GBP7: variants seen among roughly 807,000 people sequenced by gnomAD.
GBP7 encodes the protein guanylate binding protein 7, also known as guanylate-binding protein 7.
GBP7 carries 43 observed loss-of-function variants against 61.3 expected under a neutral mutation model. The ratio of observed to expected loss-of-function variants is 0.70; its 90% CI spans 0.55 to 0.91. The LOEUF (loss-of-function observed/expected upper bound fraction) is 0.91. Among genes scored for constraint, GBP7 ranks in the 40% least tolerant of loss-of-function variants. The pLI, the probability that GBP7 is intolerant of heterozygous loss-of-function variation, is 0.00. For synonymous variants in GBP7, 267 were observed against 271.0 expected, an observed-to-expected ratio of 0.99 and a Z score of 0.14; for missense variants, 717 against 740.5, an observed-to-expected ratio of 0.97 and a Z score of 0.37.
intron 2 of GBP7, among the ~76,000 whole-genome samples, chr1:89,165,132 A>T (rs1328212175): frequency 1.3e-5 from 2 of 152,210 alleles, no homozygotes; most frequent in African/African-American, 4.8e-5. Flanking sequence ...GTCTGAAGTT[A>T]GTCCCTCCAA....
chr1:89,169,838 A>G (rs1432956019), intron 2 of GBP7, among the ~76,000 whole-genome samples: 2 of 152,220 alleles, frequency 1.3e-5, no homozygotes, highest in Non-Finnish European at 2.9e-5. Flanking sequence ...TGATAGAACA[A>G]TACTTATAAA....
chr1:89,138,553 T>C (rs1421259102), intron 9 of GBP7, among the ~76,000 whole-genome samples: 1 of 151,894 alleles, frequency 6.6e-6, no homozygotes, highest in Admixed American at 6.6e-5. Context: ...TGATCTTTGG[T>C]AAAGCTAACA....
chr1:89,162,022 AG>A (rs1434886531), intron 3 of GBP7, among the ~76,000 whole-genome samples: 1 of 144,754 alleles, frequency 6.9e-6, no homozygotes, highest in Non-Finnish European at 1.5e-5. Flanking sequence ...TTTATTGAAT[AG>A]GGAATCTTTT....
chr1:89,165,768 G>C (rs1025275881), intron 2 of GBP7, among the ~76,000 whole-genome samples: 5 of 152,118 alleles, frequency 3.3e-5, no homozygotes, highest in East Asian at 1.9e-4. Context: ...GGGCCTGTTG[G>C]GGGGTGGGGG....
At chr1:89,137,161 A>C (rs1239765169) in intron 9 of GBP7, among the ~76,000 whole-genome samples, 1 of 151,998 alleles carries the variant, frequency 6.6e-6, no homozygotes, top group Non-Finnish European at 1.5e-5. Flanking sequence ...GGTCAGCATT[A>C]AAAAGCCTAC....
chr1:89,169,551 T>A (rs1557466411), intron 2 of GBP7, among the ~76,000 whole-genome samples: 1 of 152,234 alleles, frequency 6.6e-6, no homozygotes, highest in Non-Finnish European at 1.5e-5. Context: ...TTATTATTAT[T>A]TATCTACAAC....
Position 89,149,524 on chromosome 1 carries a change from G to A in GBP7, c.920C>T (p.Ala307Val), listed in dbSNP as rs368842748. ...CATTGCATTCTCCAGACAAGGAGTC[G>A]CTCCACTGTTGATGGCATCCAGGTA... Reference protein sequence around the residue: ...ETYLDAINSGATPCLENAMAV... With the variant: ...ETYLDAINSGVTPCLENAMAV... The change falls in exon 7 of 11, where the codon GCG (alanine) becomes GTG (valine). Residue 307 changes from alanine to valine, a missense_variant. Physicochemically the swap from Ala to Val is moderately conservative, Grantham distance 64. This residue lies in a region of GBP7 where 387 missense variants were observed against 385.2 expected (regional missense o/e 1.00). Coordinates refer to ENST00000294671, the MANE Select transcript of GBP7 (RefSeq NM_207398.3). The A allele has an allele frequency of 1.2e-5, 19 of 1,614,100 alleles. No individual in the cohort carries two copies. Among genetic ancestry groups the A allele is most frequent in the East Asian group, 2.2e-5 (1 of 44,884 alleles).
At chr1:89,138,431 A>G (rs1297914018) in intron 9 of GBP7, among the ~76,000 whole-genome samples, 1 of 152,122 alleles carries the variant, frequency 6.6e-6, no homozygotes, top group Non-Finnish European at 1.5e-5. Flanking sequence ...CAAGACTACA[A>G]TAACCAAAAT....
chr1:89,151,330 A>G (rs918038274), intron 5 of GBP7, among the ~76,000 whole-genome samples: 6 of 152,192 alleles, frequency 3.9e-5, no homozygotes, highest in African/African-American at 1.4e-4. Context: ...TCTGGCTAAT[A>G]TTACATAGCA....
chr1:89,132,193 A>C lies in GBP7; in HGVS notation c.1873T>G (p.Leu625Val). The change falls in exon 11 of 11, where the codon TTA becomes GTA. Residue 625 changes from leucine (L) to valine (V), a missense_variant. By Grantham distance (32) the Leu-to-Val change is conservative (BLOSUM62 1). Coordinates refer to ENST00000294671, the MANE Select transcript of GBP7 (RefSeq NM_207398.3). ...CCAGGATTTCTCAGCCTATTACATA[A>C]TGAGCTAAGAATTTTCATTCCTAAA... ...VDLGMKILSS[L>V]CNRLRNPGKK... The C allele has an allele frequency of 6.8e-6, 11 of 1,613,110 alleles. No homozygotes were observed. The highest frequency in any genetic ancestry group is 9.3e-6 in the Non-Finnish European group (11 of 1,179,346).
At chr1:89,156,557 C>G (rs1682319859) in intron 3 of GBP7, among the ~76,000 whole-genome samples, 1 of 152,082 alleles carries the variant, frequency 6.6e-6, no homozygotes, top group Non-Finnish European at 1.5e-5. Flanking sequence ...GGTTGCAATC[C>G]TCATCTCTGA....
Position 89,132,316 on chromosome 1 carries a change from C to T in GBP7, c.1750G>A (p.Ala584Thr). 6.2e-7 allele frequency: 1 copy of T among 1,613,852 alleles called. No individual in the cohort carries two copies. The highest frequency in any genetic ancestry group is 1.1e-5 in the South Asian group (1 of 91,068). The change falls in exon 11 of 11, where the codon GCA becomes ACA. Residue 584 changes from alanine to threonine, a missense_variant. Around this residue, in one of 3 missense-constraint regions of GBP7, gnomAD observed 312 missense variants for 310.1 expected, o/e 1.01. Coordinates refer to ENST00000294671, the MANE Select transcript of GBP7 (RefSeq NM_207398.3). Reference sequence around the variant, plus strand: ...ACTGAGGGCTCTTCATTTTCAGCTGCTTCAATTTGTTCTTTCAGTCGATTA... The same window carrying T: ...ACTGAGGGCTCTTCATTTTCAGCTGTTTCAATTTGTTCTTTCAGTCGATTA... ...EINRLKEQIE[A>T]AENEEPSVFS...
chr1:89,152,965 C>G (rs1420193903), intron 3 of GBP7, among the ~76,000 whole-genome samples, 188 bp from the exon 4 acceptor site: 1 of 152,094 alleles, frequency 6.6e-6, no homozygotes, highest in Non-Finnish European at 1.5e-5. Context: ...AATAAATCAG[C>G]TATAGAAAAA....
chr1:89,133,563 CGT>C, intron 9 of GBP7, 112 bp from the exon 10 acceptor site: 1 of 812,050 alleles, frequency 1.2e-6, no homozygotes, highest in Non-Finnish European at 2.0e-6. Flanking sequence ...GAGACCAGAC[CGT>C]AAAGAAGACT....
chr1:89,158,231 A>G (rs973701431), intron 3 of GBP7, among the ~76,000 whole-genome samples: 3 of 152,238 alleles, frequency 2.0e-5, no homozygotes, highest in Non-Finnish European at 4.4e-5. Flanking sequence ...AGAGCTATTT[A>G]TGACAAACCC....
rs765234658 is a variant in GBP7, at chr1:89,133,419, C to T, written c.1501G>A (p.Glu501Lys). Residue 501 changes from glutamate to lysine, a missense_variant, in exon 10 of 11, where the codon GAA becomes AAA. Around this residue, in one of 3 missense-constraint regions of GBP7, gnomAD observed 312 missense variants for 310.1 expected, o/e 1.01. Transcript: ENST00000294671. ...KQAKKEAAEK[E>K]QELLRQKQKE... ...TGTTTTTGTCTTAGCAGCTCCTGTTCCTTTTCAGCTGCCTCCTTCTTAGCC... is the reference window on the plus strand; with the variant it reads ...TGTTTTTGTCTTAGCAGCTCCTGTTTCTTTTCAGCTGCCTCCTTCTTAGCC... 2 of 1,614,062 alleles carry T rather than the reference C, an allele frequency of 1.2e-6. No individual in the cohort carries two copies. Among genetic ancestry groups the T allele is most frequent in the Admixed American group, 3.3e-5 (2 of 60,012 alleles).
chr1:89,152,497 A>G (rs748559181), intron 4 of GBP7, 33 bp from the exon 5 acceptor site: 36 of 1,594,590 alleles, frequency 2.3e-5, no homozygotes, highest in Non-Finnish European at 2.7e-5. Context: ...ATAGCACCCT[A>G]CACCATCATT....
rs1203094950 is a variant in GBP7 at position 89,150,471 on chromosome 1, T to C, written c.730A>G (p.Lys244Glu). The C allele has an allele frequency of 1.9e-5, 30 of 1,613,964 alleles. No individual in the cohort carries two copies. The highest frequency in any genetic ancestry group is 2.5e-5 in the Non-Finnish European group (30 of 1,179,974). Residue 244 changes from lysine (K) to glutamate (E), a missense_variant, in exon 6 of 11, where the codon AAA becomes GAA. Around this residue, in one of 3 missense-constraint regions of GBP7, gnomAD observed 387 missense variants for 385.2 expected, o/e 1.00. Coordinates refer to ENST00000294671, the MANE Select transcript of GBP7 (RefSeq NM_207398.3). Reference protein sequence around the residue: ...FVFDRPINDKKLLLHVEEVRE... With the variant: ...FVFDRPINDKELLLHVEEVRE... ...ACTTCTTCAACATGGAGTAAGAGTT[T>C]TTTGTCATTTATTGGCCGGTCAAAG...
rs769187387 is a variant in GBP7 at position 89,147,702 on chromosome 1, A to G, written c.1230T>C (p.Leu410=). ...EASAKYCQAE[L]KRLSELLTES... ...CTGTCAAGAGCTCTGAAAGCCGCTTAAGCTCAGCCTGACAATATTTGGCAG... is the reference window on the plus strand; with the variant it reads ...CTGTCAAGAGCTCTGAAAGCCGCTTGAGCTCAGCCTGACAATATTTGGCAG... The change falls in exon 8 of 11, where the codon CTT becomes CTC. Residue 410 remains leucine (L), a synonymous_variant. Coordinates refer to ENST00000294671, the MANE Select transcript of GBP7 (RefSeq NM_207398.3). The G allele has an allele frequency of 1.9e-6, 3 of 1,614,112 alleles. No individual in the cohort carries two copies. The highest frequency in any genetic ancestry group is 3.3e-5 in the Admixed American group (2 of 60,006).
Sources: allele counts gnomAD v4.1 joint callset (sites outside exome capture counted in the v4.1 genomes callset), GRCh38; gene constraint gnomAD v4.1.1; regional missense constraint gnomAD v4.1.1; transcripts MANE v1.5; gene names NCBI Gene and HGNC (gene_info 2026-07-23, HGNC 2026-07-21).